Variants in KCNH5 observed in about 807,000 individuals in gnomAD.
KCNH5 encodes potassium voltage-gated channel subfamily H member 5.
Under a neutral mutation model 96.1 loss-of-function variants are expected in KCNH5, and 46 were observed. The observed-to-expected ratio is 0.48, with a 90% CI of 0.38 to 0.61. KCNH5 has a LOEUF of 0.61. KCNH5 is among the 20% of genes least tolerant of loss of function. The pLI is 0.00. For synonymous variants in KCNH5, 439 were observed against 449.8 expected, an observed-to-expected ratio of 0.98 and a Z score of 0.30; for missense variants, 907 against 1,225.8, an observed-to-expected ratio of 0.74 and a Z score of 3.88.
chr14:62,966,167 C>T (rs1390064038), intron 6 of KCNH5, among the ~76,000 whole-genome samples: 1 of 152,118 alleles, frequency 6.6e-6, no homozygotes, highest in Non-Finnish European at 1.5e-5. Flanking sequence ...ACAATGGAAA[C>T]TAGCATCTTC....
At chr14:62,961,669 G>A (rs1890207843) in intron 6 of KCNH5, among the ~76,000 whole-genome samples, 1 of 152,110 alleles carries the variant, frequency 6.6e-6, no homozygotes, top group African/African-American at 2.4e-5. Flanking sequence ...GGACATGATG[G>A]ACATGAAAAT....
intron 7 of KCNH5, among the ~76,000 whole-genome samples, chr14:62,905,311 A>G (rs908071629): frequency 1.3e-5 from 2 of 152,260 alleles, no homozygotes; most frequent in African/African-American, 4.8e-5. Flanking sequence ...AAAATTATTA[A>G]TGAATATAAA....
chr14:62,771,112 C>A (rs1204414692), intron 10 of KCNH5, among the ~76,000 whole-genome samples: 1 of 151,500 alleles, frequency 6.6e-6, no homozygotes, highest in Non-Finnish European at 1.5e-5. Flanking sequence ...AGTGGCAACC[C>A]AAGGAGAGAA....
At chr14:62,896,952 A>G (rs1888825444) in intron 7 of KCNH5, among the ~76,000 whole-genome samples, 1 of 152,226 alleles carries the variant, frequency 6.6e-6, no homozygotes, top group African/African-American at 2.4e-5. Context: ...ACAGCCACAT[A>G]TGAGGAATAT....
chr14:63,043,087 G>C (rs569276139), intron 1 of KCNH5, among the ~76,000 whole-genome samples: 1 of 152,138 alleles, frequency 6.6e-6, no homozygotes, highest in Admixed American at 6.5e-5. Flanking sequence ...TTGAGTGGTA[G>C]ATACAAAATG....
chr14:62,796,214 A>G (rs1489715321), intron 9 of KCNH5, among the ~76,000 whole-genome samples: 1 of 152,154 alleles, frequency 6.6e-6, no homozygotes, highest in Non-Finnish European at 1.5e-5. Flanking sequence ...TGGAGGTTGA[A>G]GCTGATGATA....
chr14:62,961,591 G>C (rs75229262), intron 6 of KCNH5, among the ~76,000 whole-genome samples: 3,502 of 152,266 alleles, frequency 0.023, 76 homozygotes, highest in African/African-American at 0.064. Context: ...TGTAAGCAAA[G>C]AGACAAAGCA....
chr14:62,762,911 CAA>C (rs1885783818), intron 10 of KCNH5, among the ~76,000 whole-genome samples: 1 of 152,126 alleles, frequency 6.6e-6, no homozygotes, highest in Admixed American at 6.5e-5. Flanking sequence ...TACAGCAGTG[CAA>C]AGAGACTTAG....
At chr14:62,817,850 T>C (rs927691801) in intron 8 of KCNH5, among the ~76,000 whole-genome samples, 22 of 141,918 alleles carry the variant, frequency 1.6e-4, no homozygotes, top group Non-Finnish European at 2.1e-4. Context: ...TGGACATATA[T>C]ATACACATAC....
At chr14:62,868,054 T>C (rs1023461943) in intron 7 of KCNH5, among the ~76,000 whole-genome samples, 1 of 152,262 alleles carries the variant, frequency 6.6e-6, no homozygotes, top group African/African-American at 2.4e-5. Context: ...CTCTGTCAAA[T>C]TGAATATAAT....
intron 9 of KCNH5, among the ~76,000 whole-genome samples, chr14:62,783,836 A>G (rs1886267623): frequency 2.8e-5 from 2 of 71,868 alleles, no homozygotes; most frequent in African/African-American, 3.7e-5. Context: ...GAAATAAATG[A>G]AGAATAATAT....
intron 9 of KCNH5, among the ~76,000 whole-genome samples, chr14:62,789,979 G>T (rs971517891): frequency 1.3e-5 from 2 of 151,834 alleles, no homozygotes; most frequent in South Asian, 2.1e-4. Flanking sequence ...CATTGCCAAG[G>T]CCAATATCAA....
At chr14:63,030,333 A>G (rs1429722895) in intron 1 of KCNH5, among the ~76,000 whole-genome samples, 1 of 152,228 alleles carries the variant, frequency 6.6e-6, no homozygotes, top group Non-Finnish European at 1.5e-5. Flanking sequence ...GTAATTTCAC[A>G]AGTCAGCAGA....
chr14:63,020,559 T>C (rs1478796289), intron 1 of KCNH5, among the ~76,000 whole-genome samples: 1 of 152,180 alleles, frequency 6.6e-6, no homozygotes, highest in Non-Finnish European at 1.5e-5. Context: ...TACTGTTTGA[T>C]TTCATTAATA....
intron 1 of KCNH5, among the ~76,000 whole-genome samples, chr14:63,030,425 G>A (rs922531445): frequency 4.6e-5 from 7 of 152,158 alleles, no homozygotes; most frequent in African/African-American, 7.2e-5. Flanking sequence ...CCTATCAGAG[G>A]AGAACATAAA....
intron 7 of KCNH5, among the ~76,000 whole-genome samples, chr14:62,903,276 C>G (rs548550111): frequency 6.6e-6 from 1 of 152,050 alleles, no homozygotes; most frequent in Non-Finnish European, 1.5e-5. Flanking sequence ...ACACACACAC[C>G]CTTGTACTAC....
At chr14:62,853,702 G>C (rs1887870567) in intron 7 of KCNH5, among the ~76,000 whole-genome samples, 1 of 151,346 alleles carries the variant, frequency 6.6e-6, no homozygotes, top group Non-Finnish European at 1.5e-5. Flanking sequence ...TCCTCATTCA[G>C]GTCTCTGCTC....
chr14:62,943,064 A>T (rs1889818779), intron 7 of KCNH5, among the ~76,000 whole-genome samples: 1 of 152,214 alleles, frequency 6.6e-6, no homozygotes, highest in African/African-American at 2.4e-5. Context: ...GTGTACTAAA[A>T]CATATATATG....
chr14:62,905,426 T>C lies in KCNH5; in HGVS notation c.1369+44707A>G, dbSNP rs1228985133. 2.0e-5 allele frequency among the ~76,000 whole-genome samples: 3 copies of C among 152,142 alleles called. No individual in the cohort carries two copies. The East Asian group carries it at 5.8e-4, about 29-fold the overall frequency. On this transcript the variant is annotated intron_variant, in intron 7 of 10. Transcript: ENST00000322893. ...ACTTAATTCCATAGTAACTATAAGA[T>C]AAAAGTTTGGATTTGTTCTTATTTT... is the stretch of plus-strand genomic sequence containing the variant.
Sources: gnomAD v4.1 joint callset for allele counts (sites outside exome capture counted in the v4.1 genomes callset) on GRCh38, gnomAD v4.1.1 for gene constraint, MANE v1.5 for transcripts, NCBI Gene and HGNC (gene_info 2026-07-23, HGNC 2026-07-21) for gene names.